PSMB9: variants seen among roughly 807,000 people sequenced by gnomAD.
PSMB9 encodes proteasome subunit beta type-9.
A neutral mutation model predicts 26.9 loss-of-function variants in PSMB9; 16 were observed. The observed-to-expected ratio is 0.59, with a 90% CI of 0.40 to 0.90. The LOEUF is 0.90. Ranked by LOEUF, PSMB9 falls within the 40% of genes least tolerant of loss-of-function variation. The probability of loss-of-function intolerance (pLI) is 0.00; values close to 1 mark genes in which losing one functional copy is unlikely to be tolerated. For synonymous variants in PSMB9, 91 were observed against 112.0 expected (o/e 0.81, Z 1.18); for missense variants, 253 against 292.2 (o/e 0.87, Z 0.98).
At chr6:32,856,269 T>A (rs1160188858) in intron 2 of PSMB9, 64 bp downstream of exon 2, 1 of 1,502,316 alleles carries the variant, frequency 6.7e-7, no homozygotes, top group South Asian at 1.2e-5. Context: ...CACACTTTCC[T>A]TACCCATTCA....
chr6:32,856,073 CT>C, intron 1 of PSMB9, 64 bp from the exon 2 acceptor site: 1 of 1,445,404 alleles, frequency 6.9e-7, no homozygotes, highest in Non-Finnish European at 9.7e-7. Context: ...AATGTTTCTT[CT>C]TCTCTAACAT....
Position 32,858,662 on chromosome 6 carries a change from G to A in PSMB9, c.532+157G>A, listed in dbSNP as rs748246508. On this transcript the variant is annotated intron_variant, in intron 5 of 5. Coordinates refer to ENST00000374859, the MANE Select transcript of PSMB9 (RefSeq NM_002800.5). The surrounding 1 kb of genome is among the most constrained non-coding windows in gnomAD (Gnocchi z 5.2). Reference sequence around the variant, plus strand: ...TGAAAAGGGGCAGGACAAATGCAAAGCTCAATGGGGTTCTTGGGCAATACG... The same window carrying A: ...TGAAAAGGGGCAGGACAAATGCAAAACTCAATGGGGTTCTTGGGCAATACG... 3 of 933,072 alleles carry A rather than the reference G, an allele frequency of 3.2e-6. No individual in the cohort carries two copies. Among genetic ancestry groups the A allele is most frequent in the Non-Finnish European group, 5.0e-6 (3 of 604,036 alleles). 57.8% of individuals were successfully genotyped at this position (933,072 alleles called of 1,614,324 possible).
intron 3 of PSMB9, 133 bp from the exon 4 acceptor site, chr6:32,857,872 A>G (rs1304553382): frequency 2.0e-6 from 2 of 1,011,124 alleles, no homozygotes; most frequent in Non-Finnish European, 2.9e-6. Context: ...TCCCCTGTAC[A>G]TGTGGGAGGG....
In PSMB9 at chr6:32,857,283, T is replaced by C. The variant is rs1430227381; in HGVS notation, c.149T>C (p.Val50Ala). ...GACAGCGAGGCGGTGGTGAACCGAG[T>C]GTTTGACAAGCTGTCCCCGCTGCAC... ...VSAGEAVVNR[V>A]FDKLSPLHER... is the part of the protein sequence containing the mutation. Residue 50 changes from valine to alanine, a missense_variant, in exon 3 of 6, where the codon GTG becomes GCG. Physicochemically the swap from Val to Ala is moderately conservative, Grantham distance 64. Coordinates refer to ENST00000374859, the MANE Select transcript of PSMB9 (RefSeq NM_002800.5). The C allele has an allele frequency of 6.3e-7, 1 of 1,597,262 alleles. No homozygotes were observed.
At chr6:32,855,678 T>C (rs1771126531) in intron 1 of PSMB9, among the ~76,000 whole-genome samples, 1 of 148,314 alleles carries the variant, frequency 6.7e-6, no homozygotes, top group African/African-American at 2.5e-5. Flanking sequence ...GGGGTGAGAG[T>C]GGAGGATTGT....
rs4148878 is a variant in PSMB9, at chr6:32,854,409, T to C, written c.60+120T>C. 9.5e-6 allele frequency: 9 copies of C among 949,100 alleles called. No individual in the cohort carries two copies. Among genetic ancestry groups the C allele is most frequent in the Non-Finnish European group, 1.2e-5 (8 of 660,806 alleles). 58.8% of individuals were successfully genotyped at this position (949,100 alleles called of 1,614,324 possible). A position where few individuals can be genotyped will look rare whatever the true frequency, so the allele number is the denominator to read the frequency against. Reference sequence around the variant, plus strand: ...CCAACGGGAGCGCAGGGAGGTCGCCTGTAGCAGCCAGCGCTTGCAACCCGC... The same window carrying C: ...CCAACGGGAGCGCAGGGAGGTCGCCCGTAGCAGCCAGCGCTTGCAACCCGC... On this transcript the variant is annotated intron_variant, in intron 1 of 5. Transcript: ENST00000374859. This position sits in a 1 kb window ranked among gnomAD's most constrained non-coding sequence, Gnocchi z 4.6.
intron 2 of PSMB9, 148 bp from the exon 3 acceptor site, chr6:32,857,115 A>G: frequency 1.3e-6 from 1 of 768,790 alleles, no homozygotes; most frequent in Non-Finnish European, 1.9e-6. Flanking sequence ...CAGGAGAATC[A>G]CTTGAACCAG....
rs116053981 is a variant in PSMB9 at position 32,855,812 on chromosome 6, G to A, written c.61-326G>A. Among the ~76,000 whole-genome samples the A allele has an allele frequency of 2.5e-3, 384 of 152,256 alleles. 5 individuals are homozygous for A. The highest frequency in any genetic ancestry group is 0.018 in the South Asian group (87 of 4,834). ...TCCGTTGGAGATAATTTTCACTTGC[G>A]GAGCTGCTTCACTTCTACCTGTAGG... On this transcript the variant is annotated intron_variant, in intron 1 of 5. Transcript: ENST00000374859.
chr6:32,855,136 GC>G (rs1771097072), intron 1 of PSMB9, among the ~76,000 whole-genome samples: 1 of 152,212 alleles, frequency 6.6e-6, no homozygotes, highest in Non-Finnish European at 1.5e-5. Flanking sequence ...GTAACTTACG[GC>G]CTGGTAAGAA....
chr6:32,859,341 T>A, intron 5 of PSMB9, 64 bp from the exon 6 acceptor site: 1 of 1,517,648 alleles, frequency 6.6e-7, no homozygotes, highest in Non-Finnish European at 8.9e-7. Context: ...GGAGGGGGAG[T>A]AAAAAGATTT....
chr6:32,857,326 A>C lies in PSMB9; in HGVS notation c.192A>C (p.Ala64=). Residue 64 remains alanine (A), a synonymous_variant, in exon 3 of 6, where the codon GCA becomes GCC. Coordinates refer to ENST00000374859, the MANE Select transcript of PSMB9 (RefSeq NM_002800.5). ...LSPLHERIYC[A]LSGSAADAQA... is the part of the protein sequence containing the mutation. ...CGCTGCACGAGCGCATCTACTGTGC[A>C]CTCTCTGGTTCAGCTGCTGATGCCC... 1 of 1,612,510 alleles carries C rather than the reference A, an allele frequency of 6.2e-7. No homozygotes were observed. Among genetic ancestry groups the C allele is most frequent in the Non-Finnish European group, 8.5e-7 (1 of 1,179,942 alleles).
At position 32,854,659 on chromosome 6, in the gene PSMB9, G is replaced by A. The variant is rs529901218; in HGVS notation, c.60+370G>A. Among the ~76,000 whole-genome samples the A allele has an allele frequency of 3.9e-5, 6 of 152,280 alleles. No individual in the cohort carries two copies. The highest frequency in any genetic ancestry group is 7.4e-5 in the Non-Finnish European group (5 of 68,014). On this transcript the variant is annotated intron_variant, in intron 1 of 5. Coordinates refer to ENST00000374859, the MANE Select transcript of PSMB9 (RefSeq NM_002800.5). This position sits in a 1 kb window ranked among gnomAD's most constrained non-coding sequence, Gnocchi z 4.6. ...TGGTGCAAAGAGATGAGGAAATGGT[G>A]CCCTGGGTGAAGTAGAACAGCACTT...
chr6:32,857,220 AAC>A (rs1554248642), intron 2 of PSMB9, 41 bp from the exon 3 acceptor site: 11 of 1,517,272 alleles, frequency 7.2e-6, no homozygotes, highest in South Asian at 1.3e-5. Context: ...AAAAAAAAAA[AAC>A]CTGAGTTTTA....
Position 32,854,237 on chromosome 6 carries a change from G to T in PSMB9, c.8G>T (p.Arg3Leu). Residue 3 changes from arginine to leucine, a missense_variant, in exon 1 of 6, where the codon CGG becomes CTG. By Grantham distance (102) the Arg-to-Leu change is moderately radical. Transcript: ENST00000374859. The surrounding 1 kb of genome is among the most constrained non-coding windows in gnomAD (Gnocchi z 4.6). Reference sequence around the variant, plus strand: ...GAGCGGTGCCTTGCAGGGATGCTGCGGGCGGGAGCACCAACCGGGGACTTA... The same window carrying T: ...GAGCGGTGCCTTGCAGGGATGCTGCTGGCGGGAGCACCAACCGGGGACTTA... ML[R>L]AGAPTGDLPR... 3.2e-6 allele frequency: 5 copies of T among 1,544,192 alleles called. No homozygotes were observed. Among genetic ancestry groups the T allele is most frequent in the Non-Finnish European group, 4.4e-6 (5 of 1,145,814 alleles).
In PSMB9 at chr6:32,858,667, A is replaced by G. The variant is rs1021665204; in HGVS notation, c.532+162A>G. The G allele has an allele frequency of 1.8e-5, 16 of 907,808 alleles. No homozygotes were observed. The highest frequency in any genetic ancestry group is 2.4e-5 in the Non-Finnish European group (14 of 582,752). 56.2% of individuals were successfully genotyped at this position (907,808 alleles called of 1,614,324 possible). ...AGGGGCAGGACAAATGCAAAGCTCA[A>G]TGGGGTTCTTGGGCAATACGGATAA... On this transcript the variant is annotated intron_variant, in intron 5 of 5. Transcript: ENST00000374859. The surrounding 1 kb of genome is among the most constrained non-coding windows in gnomAD (Gnocchi z 5.2).
At chr6:32,857,487 C>G (rs1055656442) in intron 3 of PSMB9, 93 bp downstream of exon 3, 17 of 1,392,146 alleles carry the variant, frequency 1.2e-5, no homozygotes, top group Non-Finnish European at 1.5e-5. Context: ...GAGCTGGACA[C>G]TGGGAAATGG....
rs768562069 is a variant in PSMB9 at position 32,856,124 on chromosome 6, C to G, written c.61-14C>G. 1.2e-6 allele frequency: 2 copies of G among 1,610,930 alleles called. No homozygotes were observed. The highest frequency in any genetic ancestry group is 1.1e-5 in the South Asian group (1 of 91,000). ...TGTTCTTGCCCTGACATTCCATATTCTGTGTCTCTGCAGACCACCATCATG... is the reference window on the plus strand; with the variant it reads ...TGTTCTTGCCCTGACATTCCATATTGTGTGTCTCTGCAGACCACCATCATG... On this transcript the variant is annotated splice_polypyrimidine_tract_variant and intron_variant, in intron 1 of 5. Transcript: ENST00000374859.
chr6:32,855,060 A>T, intron 1 of PSMB9, among the ~76,000 whole-genome samples: 1 of 152,160 alleles, frequency 6.6e-6, no homozygotes. Flanking sequence ...CTGTTCTTTG[A>T]CCCTCTATTC....
rs774909941 is a variant in PSMB9 at position 32,854,576 on chromosome 6, G to A, written c.60+287G>A. Among the ~76,000 whole-genome samples the A allele has an allele frequency of 2.6e-5, 4 of 151,764 alleles. No homozygotes were observed. Among genetic ancestry groups the A allele is most frequent in the Non-Finnish European group, 5.9e-5 (4 of 67,944 alleles). Reference sequence around the variant, plus strand: ...CGGGAAGCTACTCTAAAGCGCTTTCGCTTTCACTCTGGTCCCGGACAGTGG... The same window carrying A: ...CGGGAAGCTACTCTAAAGCGCTTTCACTTTCACTCTGGTCCCGGACAGTGG... On this transcript the variant is annotated intron_variant, in intron 1 of 5. Coordinates refer to ENST00000374859, the MANE Select transcript of PSMB9 (RefSeq NM_002800.5). The surrounding 1 kb of genome is among the most constrained non-coding windows in gnomAD (Gnocchi z 4.6).
Sources: allele counts gnomAD v4.1 joint callset (sites outside exome capture counted in the v4.1 genomes callset), GRCh38; gene constraint gnomAD v4.1.1; non-coding constraint Gnocchi (gnomAD v3.1); transcripts MANE v1.5; gene names NCBI Gene and HGNC (gene_info 2026-07-23, HGNC 2026-07-21).